The following CHCHD6 variants were observed in gnomAD, a reference collection of about 807,000 sequenced individuals.
The protein encoded by CHCHD6 is coiled-coil-helix-coiled-coil-helix domain containing 6, also known as MICOS complex subunit MIC25.
In CHCHD6, 28 loss-of-function variants were observed where a neutral mutation model predicts 32.3. The observed-to-expected ratio is 0.87, with a 90% CI of 0.64 to 1.19. CHCHD6 has a LOEUF of 1.19. CHCHD6 is among the 50% of genes most tolerant of loss of function. CHCHD6 has a pLI of 0.00. For missense variants in CHCHD6, 333 were observed against 307.0 expected (o/e 1.08, Z -0.63); for synonymous variants, 122 against 117.5 (o/e 1.04, Z -0.25).
At position 126,945,611 on chromosome 3, in the gene CHCHD6, G is replaced by T. The variant is rs78302950; in HGVS notation, c.567-11805G>T. Among the ~76,000 whole-genome samples, 920 of 141,618 alleles carry T rather than the reference G, an allele frequency of 6.5e-3. 6 individuals are homozygous for T. Among genetic ancestry groups the T allele is most frequent in the Non-Finnish European group, 0.011 (707 of 64,626 alleles). The allele number at this position is 141,618 out of a possible 152,430, so 92.9% of individuals were successfully genotyped here. A position where few individuals can be genotyped will look rare whatever the true frequency, so the allele number is the denominator to read the frequency against. ...AGACTTGATGGGGGAGACTCGGTGT[G>T]GGGGAGACTTGATGGGGGAGACTCA... On this transcript the variant is annotated intron_variant, in intron 6 of 7. Coordinates refer to ENST00000290913, the MANE Select transcript of CHCHD6 (RefSeq NM_032343.3).
At chr3:126,819,385 C>A (rs9683181) in intron 4 of CHCHD6, among the ~76,000 whole-genome samples, 50 of 152,184 alleles carry the variant, frequency 3.3e-4, no homozygotes, top group African/African-American at 1.2e-3. Flanking sequence ...TTTCTGGATG[C>A]TGTATGAAGG....
intron 5 of CHCHD6, among the ~76,000 whole-genome samples, chr3:126,909,094 C>A (rs576084292): frequency 6.6e-6 from 1 of 152,354 alleles, no homozygotes; most frequent in Admixed American, 6.5e-5. Flanking sequence ...CCTTCTCTCC[C>A]GTGGCGCCCA....
At chr3:126,889,321 G>A (rs1158444288) in intron 5 of CHCHD6, among the ~76,000 whole-genome samples, 1 of 152,170 alleles carries the variant, frequency 6.6e-6, no homozygotes, top group Non-Finnish European at 1.5e-5. Context: ...CACTGAGAAG[G>A]GCTGCCCTGG....
chr3:126,733,350 T>G, intron 4 of CHCHD6, 128 bp downstream of exon 4: 1 of 847,946 alleles, frequency 1.2e-6, no homozygotes, highest in Non-Finnish European at 1.8e-6. Flanking sequence ...TGTGCTCGGC[T>G]TCACCTCTGT....
chr3:126,848,655 G>T (rs1941372344), intron 4 of CHCHD6, among the ~76,000 whole-genome samples: 1 of 152,194 alleles, frequency 6.6e-6, no homozygotes. Flanking sequence ...GAAACCTGGG[G>T]GTGGAGAAGG....
chr3:126,887,797 A>G (rs191524491), intron 5 of CHCHD6, among the ~76,000 whole-genome samples: 32 of 152,322 alleles, frequency 2.1e-4, no homozygotes, highest in Admixed American at 1.6e-3. Context: ...CAAGCAGTCA[A>G]TGGTTCCCAC....
chr3:126,958,765 C>G (rs2078821875), intron 7 of CHCHD6, among the ~76,000 whole-genome samples: 1 of 152,202 alleles, frequency 6.6e-6, no homozygotes, highest in African/African-American at 2.4e-5. Flanking sequence ...CCTCCTCCAT[C>G]TCAGAGGATG....
chr3:126,818,479 T>C (rs897507030), intron 4 of CHCHD6, among the ~76,000 whole-genome samples: 40 of 152,268 alleles, frequency 2.6e-4, no homozygotes, highest in Middle Eastern at 3.4e-3. Flanking sequence ...TGGTTTTGAT[T>C]CTATATTAAA....
chr3:126,714,361 G>T (rs1013341092), intron 1 of CHCHD6, among the ~76,000 whole-genome samples: 3 of 152,158 alleles, frequency 2.0e-5, no homozygotes, highest in Non-Finnish European at 2.9e-5. Flanking sequence ...CATGCTTGGT[G>T]TAGGAGGTCT....
intron 4 of CHCHD6, among the ~76,000 whole-genome samples, chr3:126,847,950 C>T (rs1941347212): frequency 6.6e-6 from 1 of 152,146 alleles, no homozygotes; most frequent in South Asian, 2.1e-4. Flanking sequence ...CTGTCTTCCA[C>T]AGTTCTTAGC....
intron 4 of CHCHD6, among the ~76,000 whole-genome samples, chr3:126,800,873 CA>C (rs141185765): frequency 0.01 from 1,561 of 152,290 alleles, 28 homozygotes; most frequent in African/African-American, 0.035. Flanking sequence ...GCTTCATAAA[CA>C]TGGAAATTTA....
intron 6 of CHCHD6, among the ~76,000 whole-genome samples, chr3:126,932,670 G>A (rs1394527427): frequency 1.3e-5 from 2 of 151,806 alleles, no homozygotes; most frequent in Non-Finnish European, 2.9e-5. Context: ...TGGCTTAAGG[G>A]TTGGCACTGG....
chr3:126,749,289 A>C (rs543456098), intron 4 of CHCHD6, among the ~76,000 whole-genome samples: 27 of 152,282 alleles, frequency 1.8e-4, no homozygotes, highest in Admixed American at 3.9e-4. Context: ...CAGGACTCCC[A>C]AGGGCCCTTC....
intron 6 of CHCHD6, among the ~76,000 whole-genome samples, chr3:126,951,692 G>A (rs2078717538): frequency 6.6e-6 from 1 of 152,222 alleles, no homozygotes; most frequent in South Asian, 2.1e-4. Flanking sequence ...GAGGTGTGAG[G>A]TCAGTTCCCT....
At position 126,727,078 on chromosome 3, in the gene CHCHD6, C is replaced by G; in HGVS notation, c.88C>G (p.Leu30Val). The change falls in exon 2 of 8, where the codon CTG becomes GTG. Residue 30 changes from leucine (L) to valine (V), a missense_variant and splice_region_variant. Physicochemically the swap from Leu to Val is conservative, Grantham distance 32. Transcript: ENST00000290913. ...ERVRVLQGVR[L>V]SENVVNRMKE... is the part of the protein sequence containing the mutation. ...TTTTCCCTCTTTTCTGCTTCCTTAG[C>G]TGTCTGAAAACGTGGTGAACCGCAT... 2.5e-6 allele frequency: 4 copies of G among 1,610,268 alleles called. No homozygotes were observed. Among genetic ancestry groups the G allele is most frequent in the Non-Finnish European group, 3.4e-6 (4 of 1,176,562 alleles).
rs1576386710 is a variant in CHCHD6 at position 126,764,201 on chromosome 3, A to G, written c.411+30979A>G. ...TACACATACATACATACATACATGC[A>G]TATATATATATATATATATATATAA... On this transcript the variant is annotated intron_variant, in intron 4 of 7. Coordinates refer to ENST00000290913, the MANE Select transcript of CHCHD6 (RefSeq NM_032343.3). 2.6e-4 allele frequency among the ~76,000 whole-genome samples: 5 copies of G among 19,040 alleles called. No homozygotes were observed. In the South Asian group the frequency reaches 0.011, roughly 41 times the overall value. 12.5% of individuals were successfully genotyped at this position (19,040 alleles called of 152,430 possible). A position where few individuals can be genotyped will look rare whatever the true frequency, so the allele number is the denominator to read the frequency against.
At chr3:126,893,043 A>G (rs7627099) in intron 5 of CHCHD6, among the ~76,000 whole-genome samples, 56,077 of 151,854 alleles carry the variant, frequency 0.37, 11,421 homozygotes, top group African/African-American at 0.55. Context: ...ATCTTGGCTC[A>G]CTGCAACGTC....
intron 4 of CHCHD6, among the ~76,000 whole-genome samples, chr3:126,786,277 G>T (rs559455300): frequency 3.3e-5 from 5 of 152,202 alleles, no homozygotes; most frequent in Middle Eastern, 6.8e-3. Flanking sequence ...GAATGGTGCC[G>T]CAATAAACAT....
chr3:126,791,524 G>A (rs935076818), intron 4 of CHCHD6, among the ~76,000 whole-genome samples: 10 of 152,246 alleles, frequency 6.6e-5, no homozygotes, highest in Non-Finnish European at 1.0e-4. Context: ...CAGCAATGGC[G>A]GGCGCCCCTC....
Sources: gnomAD v4.1 joint callset for allele counts (sites outside exome capture counted in the v4.1 genomes callset) on GRCh38, gnomAD v4.1.1 for gene constraint, MANE v1.5 for transcripts, NCBI Gene and HGNC (gene_info 2026-07-23, HGNC 2026-07-21) for gene names.